The following AQP11 variants were observed in gnomAD, a reference collection of about 807,000 sequenced individuals.
AQP11 encodes the protein aquaporin 11.
In AQP11, 20 loss-of-function variants were observed where a neutral mutation model predicts 21.1. The observed-to-expected ratio is 0.95, with a 90% confidence interval of 0.67 to 1.38. AQP11 has a LOEUF of 1.38. Ranked by LOEUF, AQP11 falls within the 40% of genes most tolerant of loss-of-function variation. AQP11 has a pLI of 0.00. For missense variants in AQP11, 339 were observed against 340.4 expected (o/e 1.00, Z 0.03); for synonymous variants, 167 against 150.1 (o/e 1.11, Z -0.82).
chr11:77,602,114 GAGA>G (rs1400071277), intron 1 of AQP11, among the ~76,000 whole-genome samples: 3 of 152,224 alleles, frequency 2.0e-5, no homozygotes, highest in South Asian at 2.1e-4. Flanking sequence ...GTGTGAGGAT[GAGA>G]AGATTAGGAA....
At chr11:77,604,501 T>C (rs750627533) in intron 2 of AQP11, among the ~76,000 whole-genome samples, 1 of 152,254 alleles carries the variant, frequency 6.6e-6, no homozygotes, top group Non-Finnish European at 1.5e-5. Context: ...TTAAGCCTGA[T>C]TATAACTCAT....
intron 1 of AQP11, among the ~76,000 whole-genome samples, chr11:77,596,864 TAA>T (rs34702940): frequency 2.1e-5 from 3 of 146,262 alleles, no homozygotes; most frequent in Admixed American, 6.9e-5. Flanking sequence ...TGTTTCAATT[TAA>T]AAAAAAAAAG....
rs577150792 is a variant in AQP11, at chr11:77,607,511, C to T, written c.737-1787C>T. 8.1e-4 allele frequency among the ~76,000 whole-genome samples: 124 copies of T among 152,216 alleles called. 2 individuals are homozygous for T. In the South Asian group the frequency reaches 0.025, roughly 30 times the overall value. On this transcript the variant is annotated intron_variant, in intron 2 of 2. Coordinates refer to ENST00000313578, the MANE Select transcript of AQP11 (RefSeq NM_173039.3). Reference sequence around the variant, plus strand: ...ATTCTTTGGAGTCATAGTCCATATTCTTTCTTGTTTCTCATCACAGCAGAG... The same window carrying T: ...ATTCTTTGGAGTCATAGTCCATATTTTTTCTTGTTTCTCATCACAGCAGAG...
chr11:77,596,400 C>A, intron 1 of AQP11, among the ~76,000 whole-genome samples: 1 of 148,934 alleles, frequency 6.7e-6, no homozygotes, highest in South Asian at 2.1e-4. Flanking sequence ...GATATCACAC[C>A]AGTGCACTCC....
Position 77,590,823 on chromosome 11 carries a change from G to C in AQP11, c.619+212G>C, listed in dbSNP as rs558240920. 5.4e-4 allele frequency: 528 copies of C among 985,380 alleles called. 3 individuals are homozygous for C. Among genetic ancestry groups the C allele is most frequent in the Middle Eastern group, 3.1e-3 (6 of 1,914 alleles). The allele number at this position is 985,380 out of a possible 1,614,324, so 61.0% of individuals were successfully genotyped here. A position where few individuals can be genotyped will look rare whatever the true frequency, so the allele number is the denominator to read the frequency against. On this transcript the variant is annotated intron_variant, in intron 1 of 2. Transcript: ENST00000313578. ...TGCTGCTTTGAACACCCAGAGAAAG[G>C]AGCCACCTCTGTGCTGAAACTGAGA... is the stretch of plus-strand genomic sequence containing the variant.
intron 1 of AQP11, among the ~76,000 whole-genome samples, chr11:77,602,136 G>GT (rs1384152891): frequency 6.6e-6 from 1 of 152,194 alleles, no homozygotes; most frequent in African/African-American, 2.4e-5. Context: ...AAGTGAAGTC[G>GT]TTTGAGTTTT....
At chr11:77,605,689 G>A (rs773359077) in intron 2 of AQP11, among the ~76,000 whole-genome samples, 16 of 152,082 alleles carry the variant, frequency 1.1e-4, no homozygotes, top group African/African-American at 2.9e-4. Context: ...CCAGGAAACC[G>A]GTCCCTGGTG....
chr11:77,601,011 C>CAA (rs1167196725), intron 1 of AQP11, among the ~76,000 whole-genome samples: 9 of 80,258 alleles, frequency 1.1e-4, no homozygotes, highest in Admixed American at 4.2e-4. Flanking sequence ...GACTCCGTCT[C>CAA]AAAAAAAAAA....
intron 1 of AQP11, among the ~76,000 whole-genome samples, chr11:77,597,057 C>T (rs1958787669): frequency 6.6e-6 from 1 of 152,106 alleles, no homozygotes. Flanking sequence ...ATATTTCTAA[C>T]AGGCTTCCAG....
intron 1 of AQP11, among the ~76,000 whole-genome samples, chr11:77,593,640 G>A (rs953116380): frequency 1.3e-5 from 2 of 150,776 alleles, no homozygotes; most frequent in South Asian, 2.1e-4. Flanking sequence ...GCGAGACTCC[G>A]TCTCAAAAAA....
At chr11:77,595,534 G>A (rs2135744931) in intron 1 of AQP11, among the ~76,000 whole-genome samples, 1 of 152,262 alleles carries the variant, frequency 6.6e-6, no homozygotes, top group African/African-American at 2.4e-5. Context: ...CATATATCAA[G>A]ATCTTAGCAT....
Position 77,603,570 on chromosome 11 carries a change from G to A in AQP11, c.634G>A (p.Gly212Arg). 2 of 1,589,270 alleles carry A rather than the reference G, an allele frequency of 1.3e-6. No individual in the cohort carries two copies. The highest frequency in any genetic ancestry group is 1.2e-5 in the South Asian group (1 of 84,938). The change falls in exon 2 of 3, where the codon GGA (glycine) becomes AGA (arginine). Residue 212 changes from glycine (G) to arginine (R), a missense_variant. By Grantham distance (125) the Gly-to-Arg change is moderately radical. Transcript: ENST00000313578. ...FLVYAGGSLT[G>R]AVFNPALALS... ...ATCTGTTACAGGAGGAAGTCTAACA[G>A]GAGCTGTATTTAATCCAGCTTTGGC... is the stretch of plus-strand genomic sequence containing the variant.
At chr11:77,601,651 C>G (rs1032465789) in intron 1 of AQP11, among the ~76,000 whole-genome samples, 6 of 152,144 alleles carry the variant, frequency 3.9e-5, no homozygotes, top group African/African-American at 1.2e-4. Context: ...TGCCTGGCCC[C>G]AAAACTGAGA....
chr11:77,606,322 G>C (rs1370477432), intron 2 of AQP11, among the ~76,000 whole-genome samples: 3 of 152,076 alleles, frequency 2.0e-5, no homozygotes, highest in Non-Finnish European at 4.4e-5. Context: ...GAACATACTA[G>C]AAGAAAAGCC....
intron 2 of AQP11, among the ~76,000 whole-genome samples, chr11:77,606,036 CAAAAA>C (rs11326964): frequency 1.1e-4 from 7 of 64,004 alleles, no homozygotes; most frequent in Non-Finnish European, 2.0e-4. Flanking sequence ...GAGCGAGTCT[CAAAAA>C]AAAAAAAAAA....
At chr11:77,607,041 G>A (rs1308603218) in intron 2 of AQP11, among the ~76,000 whole-genome samples, 1 of 152,114 alleles carries the variant, frequency 6.6e-6, no homozygotes, top group Non-Finnish European at 1.5e-5. Flanking sequence ...GGTTTGAAGA[G>A]GCATGTTTCT....
chr11:77,592,411 A>C (rs1958754372), intron 1 of AQP11, among the ~76,000 whole-genome samples: 1 of 152,168 alleles, frequency 6.6e-6, no homozygotes, highest in Non-Finnish European at 1.5e-5. Flanking sequence ...TTGTCACTGC[A>C]AAAAGAGTTA....
Position 77,610,320 on chromosome 11 carries a change from G to T in AQP11, c.*943G>T, listed in dbSNP as rs1050865842. On this transcript the variant is annotated 3_prime_UTR_variant, in exon 3 of 3. Transcript: ENST00000313578. ...TTAAAACTTGTTTAGAAATTAACTA[G>T]TATTTTTTGAGGTTTAAAGAACCTT... is the stretch of plus-strand genomic sequence containing the variant. 2 of 152,130 alleles carry T rather than the reference G, an allele frequency of 1.3e-5. No homozygotes were observed. The highest frequency in any genetic ancestry group is 4.8e-5 in the African/African-American group (2 of 41,432). The allele number at this position is 152,130 out of a possible 1,614,324, so 9.4% of individuals were successfully genotyped here. A position where few individuals can be genotyped will look rare whatever the true frequency, so the allele number is the denominator to read the frequency against.
chr11:77,607,212 T>C (rs1380318453), intron 2 of AQP11, among the ~76,000 whole-genome samples: 3 of 152,000 alleles, frequency 2.0e-5, no homozygotes, highest in African/African-American at 7.3e-5. Context: ...GGAAAAAAAA[T>C]TGGCTCCAAA....
Sources: allele counts gnomAD v4.1 joint callset (sites outside exome capture counted in the v4.1 genomes callset), GRCh38; gene constraint gnomAD v4.1.1; transcripts MANE v1.5; gene names NCBI Gene and HGNC (gene_info 2026-07-23, HGNC 2026-07-21).